RNF213: variants seen among roughly 807,000 people sequenced by gnomAD.
RNF213 encodes ring finger protein 213, also known as E3 ubiquitin-protein ligase RNF213.
RNF213 carries 341 observed loss-of-function variants against 514.4 expected under a neutral mutation model. That is an observed-to-expected ratio of 0.66 (90% CI 0.61 to 0.73). RNF213 has a LOEUF of 0.73. Ranked by LOEUF, RNF213 falls within the 30% of genes least tolerant of loss-of-function variation. The pLI is 0.00. For synonymous variants in RNF213, 2,655 were observed against 2,658.2 expected, an observed-to-expected ratio of 1.00 and a Z score of 0.04; for missense variants, 5,767 against 6,615.6, an observed-to-expected ratio of 0.87 and a Z score of 4.45.
Position 80,386,307 on chromosome 17 carries a change from T to A in RNF213, c.14597T>A (p.Phe4866Tyr). ...ACTGACTTGGATCTGGACACTGAGT[T>A]TGAGATCCTCTTGCCACGCCGACGG... ...CSTDLDLDTE[F>Y]EILLPRRRGL... Residue 4866 changes from phenylalanine (F) to tyrosine (Y), a missense_variant, in exon 62 of 68, where the codon TTT (phenylalanine) becomes TAT (tyrosine). Physicochemically the swap from Phe to Tyr is conservative, Grantham distance 22. This residue lies in a region of RNF213 where 1,245 missense variants were observed against 1,339.0 expected (regional missense o/e 0.93). Transcript: ENST00000582970. 3 of 1,613,652 alleles carry A rather than the reference T, an allele frequency of 1.9e-6. No homozygotes were observed. The highest frequency in any genetic ancestry group is 2.5e-6 in the Non-Finnish European group (3 of 1,180,018).
chr17:80,271,370 A>T (rs2043816071), intron 2 of RNF213, among the ~76,000 whole-genome samples: 1 of 152,238 alleles, frequency 6.6e-6, no homozygotes, highest in South Asian at 2.1e-4. Flanking sequence ...AAAGGGAAAA[A>T]GGTCTGCGTG....
chr17:80,386,826 C>T lies in RNF213; in HGVS notation c.14857C>T (p.Leu4953=), dbSNP rs1307907048. ...CAGAGAGACCGTGCAGGAGTTCGAT[C>T]TGGAGAAGATTCAGCGGCAGATCGT... ...EGRETVQEFD[L]EKIQRQIVSR... is the part of the protein sequence containing the mutation. Residue 4953 remains leucine, a synonymous_variant, in exon 63 of 68, where the codon CTG becomes TTG. Coordinates refer to ENST00000582970, the MANE Select transcript of RNF213 (RefSeq NM_001256071.3). 3 of 1,614,108 alleles carry T rather than the reference C, an allele frequency of 1.9e-6. No individual in the cohort carries two copies. In the African/African-American group the frequency reaches 4.0e-5, roughly 22 times the overall value.
Position 80,387,026 on chromosome 17 carries a change from G to GCTCCCGAGGCCACCACGCCACCTGTAT in RNF213, c.14922+140_14922+166dup. On this transcript the variant is annotated intron_variant, in intron 63 of 67. Transcript: ENST00000582970. ...CTGTATCTCCTCCCTCACACCTGCA[G>GCTCCCGAGGCCACCACGCCACCTGTAT]CTCCCGAGGCCACCACGCCACCTGT... 3 of 869,342 alleles carry GCTCCCGAGGCCACCACGCCACCTGTAT rather than the reference G, an allele frequency of 3.5e-6. No individual in the cohort carries two copies. In the South Asian group the frequency reaches 4.4e-5, roughly 13 times the overall value. 53.9% of individuals were successfully genotyped at this position (869,342 alleles called of 1,614,324 possible).
Position 80,393,415 on chromosome 17 carries a change from T to C in RNF213, c.15541T>C (p.Phe5181Leu). 2 of 1,614,110 alleles carry C rather than the reference T, an allele frequency of 1.2e-6. No individual in the cohort carries two copies. The highest frequency in any genetic ancestry group is 1.7e-6 in the Non-Finnish European group (2 of 1,179,938). Residue 5181 changes from phenylalanine (F) to leucine (L), a missense_variant, in exon 68 of 68, where the codon TTC becomes CTC. By Grantham distance (22) the Phe-to-Leu change is conservative (BLOSUM62 0). Coordinates refer to ENST00000582970, the MANE Select transcript of RNF213 (RefSeq NM_001256071.3). ...AATTCTTCCTGAAATGGCATCTCAG[T>C]TCCCAGAAGAGATACTGCTCGCCAG... ...SEILPEMASQ[F>L]PEEILLASCV... is the part of the protein sequence containing the mutation.
chr17:80,373,941 T>C (rs2079629222), intron 49 of RNF213, among the ~76,000 whole-genome samples: 1 of 143,360 alleles, frequency 7.0e-6, no homozygotes, highest in Admixed American at 7.4e-5. Context: ...AGGCAGAGGT[T>C]GCAGTGAGCC....
chr17:80,382,083 A>T, intron 57 of RNF213: 1 of 323,006 alleles, frequency 3.1e-6, no homozygotes, highest in Non-Finnish European at 6.0e-6. Flanking sequence ...TTCCCCTACC[A>T]TGCTGGGAGC....
chr17:80,314,325 GTGA>G (rs1464574751), intron 15 of RNF213, among the ~76,000 whole-genome samples: 1 of 27,470 alleles, frequency 3.6e-5, no homozygotes, highest in African/African-American at 1.4e-4. Context: ...GGTAATGGAG[GTGA>G]TGGTGGTGGT....
intron 64 of RNF213, 93 bp from the exon 65 acceptor site, chr17:80,389,080 C>A: frequency 2.4e-6 from 3 of 1,244,938 alleles, no homozygotes; most frequent in Non-Finnish European, 3.5e-6. Context: ...CCGCATGTGG[C>A]TTGGGCAGTG....
chr17:80,380,597 A>G (rs1371869033), intron 55 of RNF213, among the ~76,000 whole-genome samples: 1 of 152,156 alleles, frequency 6.6e-6, no homozygotes, highest in Non-Finnish European at 1.5e-5. Flanking sequence ...ATCAGCATCA[A>G]TACCACACAG....
intron 50 of RNF213, among the ~76,000 whole-genome samples, 186 bp from the exon 51 acceptor site, chr17:80,375,574 C>T (rs2079718539): frequency 6.6e-6 from 1 of 151,782 alleles, no homozygotes; most frequent in Admixed American, 6.6e-5. Context: ...GACATGGTTG[C>T]GTGTGCCTGT....
At chr17:80,295,455 G>C in intron 9 of RNF213, 102 bp from the exon 10 acceptor site, 1 of 1,461,544 alleles carries the variant, frequency 6.8e-7, no homozygotes. Flanking sequence ...GGTGGGGCAC[G>C]GATGGGGTCT....
intron 2 of RNF213, among the ~76,000 whole-genome samples, chr17:80,270,435 C>G (rs1188543196): frequency 6.6e-6 from 1 of 152,224 alleles, no homozygotes; most frequent in Non-Finnish European, 1.5e-5. Context: ...CTTCAAATCC[C>G]CTGCACAAAG....
At position 80,327,987 on chromosome 17, in the gene RNF213, T is replaced by G. The variant is rs761528748; in HGVS notation, c.3365T>G (p.Leu1122Arg). 2 of 1,537,236 alleles carry G rather than the reference T, an allele frequency of 1.3e-6. No individual in the cohort carries two copies. Among genetic ancestry groups the G allele is most frequent in the Non-Finnish European group, 1.7e-6 (2 of 1,146,898 alleles). The change falls in exon 19 of 68, where the codon CTG becomes CGG. Residue 1122 changes from leucine (L) to arginine (R), a missense_variant and splice_region_variant. Leu to Arg is a moderately radical substitution (Grantham distance 102). This residue lies in a region of RNF213 where 516 missense variants were observed against 566.5 expected (regional missense o/e 0.91). Transcript: ENST00000582970. ...HKNQFLDIWQ[L>R]REKSLSPQDE... is the part of the protein sequence containing the mutation. ...AATCAGTTTCTTGACATCTGGCAAC[T>G]GAGTAAGCATCGAGTCGATACGCAC...
chr17:80,393,167 G>A (rs1214174717), intron 67 of RNF213, among the ~76,000 whole-genome samples, 178 bp from the exon 68 acceptor site: 1 of 151,980 alleles, frequency 6.6e-6, no homozygotes, highest in Non-Finnish European at 1.5e-5. Context: ...TTTTGCTAGA[G>A]ACAGGGTTTC....
rs545113219 is a variant in RNF213 at position 80,364,300 on chromosome 17, G to T, written c.11751-133G>T. 1.1e-4 allele frequency: 136 copies of T among 1,228,606 alleles called. No individual in the cohort carries two copies. In the East Asian group the frequency reaches 3.2e-3, roughly 29 times the overall value. The allele number at this position is 1,228,606 out of a possible 1,614,324, so 76.1% of individuals were successfully genotyped here. On this transcript the variant is annotated intron_variant, in intron 41 of 67. Transcript: ENST00000582970. ...CGGGCCAGGAAGTATGTCACATAGGGCTTGCTTGTAATCCCAGCCGCTGGG... is the reference window on the plus strand; with the variant it reads ...CGGGCCAGGAAGTATGTCACATAGGTCTTGCTTGTAATCCCAGCCGCTGGG...
chr17:80,315,631 A>G (rs117796339), intron 15 of RNF213: 1,166 of 15,970 alleles, frequency 0.073, 3 homozygotes, highest in Non-Finnish European at 0.12. Flanking sequence ...CGTGGAGGTG[A>G]TGGTGGTGGT....
rs201476526 is a variant in RNF213 at position 80,307,188 on chromosome 17, A to C, written c.2488A>C (p.Thr830Pro). ...ILEMLLRLLD[T>P]YRDKIPEEAL... Reference sequence around the variant, plus strand: ...AGAAATGCTGTTGCGACTCCTGGACACTTACCGGGACAAGTAAGTGGAAAG... The same window carrying C: ...AGAAATGCTGTTGCGACTCCTGGACCCTTACCGGGACAAGTAAGTGGAAAG... The change falls in exon 13 of 68, where the codon ACT becomes CCT. Residue 830 changes from threonine to proline, a missense_variant. Thr to Pro is a conservative substitution (Grantham distance 38). Transcript: ENST00000582970. The C allele has an allele frequency of 2.9e-4, 463 of 1,613,844 alleles. 2 individuals are homozygous for C. Among genetic ancestry groups the C allele is most frequent in the Admixed American group, 1.5e-3 (92 of 59,994 alleles).
At chr17:80,321,639 C>T (rs1408960426) in intron 17 of RNF213, among the ~76,000 whole-genome samples, 2 of 152,184 alleles carry the variant, frequency 1.3e-5, no homozygotes, top group African/African-American at 4.8e-5. Context: ...AGGAGGCTTC[C>T]AGGTTCTCCA....
chr17:80,325,422 ACC>A (rs1002190835), intron 18 of RNF213, among the ~76,000 whole-genome samples: 2 of 152,090 alleles, frequency 1.3e-5, no homozygotes, highest in Non-Finnish European at 2.9e-5. Flanking sequence ...TGCTTGCTGT[ACC>A]CTAGCGACTG....
Sources: allele counts gnomAD v4.1 joint callset (sites outside exome capture counted in the v4.1 genomes callset), GRCh38; gene constraint gnomAD v4.1.1; regional missense constraint gnomAD v4.1.1; transcripts MANE v1.5; gene names NCBI Gene and HGNC (gene_info 2026-07-23, HGNC 2026-07-21).